BRCC3: variants seen among roughly 807,000 people sequenced by gnomAD.
The protein encoded by BRCC3 is lys-63-specific deubiquitinase BRCC36.
In BRCC3, 15 loss-of-function variants were observed where a neutral mutation model predicts 28.0. The observed-to-expected ratio is 0.54, with a 90% confidence interval of 0.36 to 0.82. The LOEUF (loss-of-function observed/expected upper bound fraction) is 0.82, where lower values mean the gene tolerates loss of function less well. Among genes scored for constraint, BRCC3 ranks in the 40% least tolerant of loss-of-function variants. BRCC3 has a pLI of 0.01. For missense variants in BRCC3, 109 were observed against 225.9 expected (o/e 0.48, Z 3.32); for synonymous variants, 66 against 80.3 (o/e 0.82, Z 0.95).
chrX:155,118,485 A>G (rs1017627130), intron 9 of BRCC3, among the ~76,000 whole-genome samples: 8 of 112,161 alleles, frequency 7.1e-5, no homozygotes, highest in Non-Finnish European at 1.3e-4. Context: ...CACTGGTTAC[A>G]TAGGATGTCT....
intron 7 of BRCC3, among the ~76,000 whole-genome samples, chrX:155,098,462 C>T (rs782496048): frequency 4.4e-5 from 5 of 112,392 alleles, no homozygotes; most frequent in African/African-American, 9.7e-5. Context: ...ATCAGCCTTA[C>T]GGATTTTTAA....
chrX:155,076,100 CT>C (rs1364049332), intron 3 of BRCC3, among the ~76,000 whole-genome samples: 3 of 112,350 alleles, frequency 2.7e-5, no homozygotes, highest in African/African-American at 9.7e-5. Context: ...CTGTATTAGT[CT>C]GTTATCACAC....
At chrX:155,117,619 A>G (rs1014413839) in intron 9 of BRCC3, among the ~76,000 whole-genome samples, 11 of 112,241 alleles carry the variant, frequency 9.8e-5, no homozygotes, top group Non-Finnish European at 1.9e-4. Flanking sequence ...TATATGATAT[A>G]TAACCATATT....
At chrX:155,109,511 C>A (rs1397605635) in intron 7 of BRCC3, among the ~76,000 whole-genome samples, 1 of 111,499 alleles carries the variant, frequency 9.0e-6, no homozygotes, top group African/African-American at 3.2e-5. Context: ...TTAAATTATT[C>A]TTGGGAATTT....
At chrX:155,110,956 A>G (rs1346820780) in intron 7 of BRCC3, among the ~76,000 whole-genome samples, 1 of 111,382 alleles carries the variant, frequency 9.0e-6, no homozygotes, top group Admixed American at 9.6e-5. Flanking sequence ...CTTAATATCC[A>G]AAATAACCAG....
At chrX:155,072,038 G>C (rs894502412) in intron 1 of BRCC3, among the ~76,000 whole-genome samples, 2 of 112,089 alleles carry the variant, frequency 1.8e-5, no homozygotes, top group African/African-American at 3.2e-5. Context: ...GCCTCGCCTC[G>C]AGTCTTCTGT....
At chrX:155,114,294 T>C (rs1377749274) in intron 7 of BRCC3, among the ~76,000 whole-genome samples, 14 of 111,295 alleles carry the variant, frequency 1.3e-4, no homozygotes, top group Non-Finnish European at 2.5e-4. Context: ...AAGGAAAACC[T>C]GTTACAACCT....
intron 5 of BRCC3, among the ~76,000 whole-genome samples, chrX:155,086,545 G>C (rs2074131012): frequency 9.1e-6 from 1 of 109,602 alleles, no homozygotes; most frequent in Admixed American, 9.6e-5. Flanking sequence ...TTTGAGTAGA[G>C]AGGGAGTTTC....
chrX:155,104,811 C>A (rs2074267969), intron 7 of BRCC3, among the ~76,000 whole-genome samples: 1 of 112,566 alleles, frequency 8.9e-6, no homozygotes, highest in Non-Finnish European at 1.9e-5. Flanking sequence ...ATTCACAGTT[C>A]TTTTTATTAA....
At chrX:155,109,750 A>G (rs1191641891) in intron 7 of BRCC3, among the ~76,000 whole-genome samples, 1 of 111,620 alleles carries the variant, frequency 9.0e-6, no homozygotes, top group Non-Finnish European at 1.9e-5. Flanking sequence ...ACCCTTTCCA[A>G]TCTTTACACC....
intron 5 of BRCC3, among the ~76,000 whole-genome samples, chrX:155,079,542 C>T (rs1250553309): frequency 9.0e-6 from 1 of 111,468 alleles, no homozygotes; most frequent in South Asian, 3.8e-4. Context: ...AGTTCTCAGT[C>T]TTGGGTGGGT....
chrX:155,078,805 G>A (rs1393021002), intron 5 of BRCC3, 102 bp downstream of exon 5: 5 of 464,109 alleles, frequency 1.1e-5, no homozygotes, highest in Non-Finnish European at 1.8e-5. Flanking sequence ...AAATTTGACT[G>A]TCCTTTAGCA....
intron 7 of BRCC3, among the ~76,000 whole-genome samples, chrX:155,092,257 C>T (rs1557295757): frequency 9.0e-6 from 1 of 111,650 alleles, no homozygotes; most frequent in Non-Finnish European, 1.9e-5. Context: ...ATTTTTTGTT[C>T]TGTTGGTTAC....
intron 5 of BRCC3, among the ~76,000 whole-genome samples, chrX:155,081,207 T>C (rs2124249685): frequency 9.1e-6 from 1 of 109,910 alleles, no homozygotes; most frequent in Admixed American, 9.7e-5. Flanking sequence ...GGCGGGTGCC[T>C]GTAATCCAAG....
chrX:155,077,404 C>T, intron 4 of BRCC3, 115 bp downstream of exon 4: 2 of 704,818 alleles, frequency 2.8e-6, no homozygotes, highest in Non-Finnish European at 3.8e-6. Flanking sequence ...CCCTTAGATC[C>T]AATTGTTTGG....
intron 9 of BRCC3, 113 bp from the exon 10 acceptor site, chrX:155,119,886 C>T: frequency 3.2e-6 from 2 of 623,440 alleles, no homozygotes; most frequent in Non-Finnish European, 4.8e-6. Flanking sequence ...ACTTCCTTCT[C>T]CAACCCCTTC....
At chrX:155,108,269 T>C (rs1352378432) in intron 7 of BRCC3, among the ~76,000 whole-genome samples, 1 of 112,502 alleles carries the variant, frequency 8.9e-6, no homozygotes, top group Non-Finnish European at 1.9e-5. Flanking sequence ...GGTAGTTCTT[T>C]TTTATTGCTG....
chrX:155,090,784 A>T lies in BRCC3; in HGVS notation c.493A>T (p.Thr165Ser). The part of the protein sequence containing the change: ...SCFIEDKNTK[T>S]GRVLYTCFQS... Reference sequence around the variant, plus strand: ...CTTTCTTTCTTTTTTCCTTTGATAGACTGGCCGGGTACTCTACACTTGCTT... The same window carrying T: ...CTTTCTTTCTTTTTTCCTTTGATAGTCTGGCCGGGTACTCTACACTTGCTT... Residue 165 changes from threonine (T) to serine (S), a missense_variant and splice_region_variant, in exon 7 of 11, where the codon ACT (threonine) becomes TCT (serine). By Grantham distance (58) the Thr-to-Ser change is moderately conservative (BLOSUM62 1). This residue lies in a region of BRCC3 where 50 missense variants were observed against 115.2 expected (regional missense o/e 0.43). Transcript: ENST00000330045. The T allele has an allele frequency of 8.4e-7, 1 of 1,191,304 alleles. No individual in the cohort carries two copies. The highest frequency in any genetic ancestry group is 1.1e-6 in the Non-Finnish European group (1 of 880,893).
chrX:155,105,711 T>G, intron 7 of BRCC3, among the ~76,000 whole-genome samples: 1 of 112,297 alleles, frequency 8.9e-6, no homozygotes, highest in East Asian at 2.8e-4. Context: ...TGTTTTGTTT[T>G]GTTTTGAGAC....
Sources: allele counts gnomAD v4.1 joint callset (sites outside exome capture counted in the v4.1 genomes callset), GRCh38; gene constraint gnomAD v4.1.1; regional missense constraint gnomAD v4.1.1; transcripts MANE v1.5; gene names NCBI Gene and HGNC (gene_info 2026-07-23, HGNC 2026-07-21).